RHOU: variants seen among roughly 807,000 people sequenced by gnomAD.
RHOU encodes rho-related GTP-binding protein RhoU.
RHOU carries 8 observed loss-of-function variants against 12.6 expected under a neutral mutation model. The observed-to-expected ratio is 0.64, with a 90% CI of 0.37 to 1.15. The LOEUF (loss-of-function observed/expected upper bound fraction) is 1.15, where lower values mean the gene tolerates loss of function less well. RHOU is among the 50% of genes most tolerant of loss of function. The pLI is 0.01. For missense variants in RHOU, 258 were observed against 347.0 expected (o/e 0.74, Z 2.04); for synonymous variants, 161 against 147.4 (o/e 1.09, Z -0.67).
At chr1:228,653,270 C>T in the RHOU span, among the ~76,000 whole-genome samples, 1 of 152,172 alleles carries the variant, frequency 6.6e-6, no homozygotes, top group Non-Finnish European at 1.5e-5. Flanking sequence ...ATTCTCATGC[C>T]TCAGCCTTAT....
the RHOU span, among the ~76,000 whole-genome samples, chr1:228,670,692 T>C: frequency 6.6e-6 from 1 of 152,216 alleles, no homozygotes; most frequent in African/African-American, 2.4e-5. Flanking sequence ...TCAAATCTCA[T>C]GTCGAGTTGT....
chr1:228,690,346 A>T, the RHOU span, among the ~76,000 whole-genome samples: 1 of 151,536 alleles, frequency 6.6e-6, no homozygotes, highest in South Asian at 2.1e-4. Context: ...TCTCTTTGAG[A>T]TGGAGTTTTG....
chr1:228,707,828 GAGA>G, the RHOU span, among the ~76,000 whole-genome samples: 12 of 152,204 alleles, frequency 7.9e-5, no homozygotes, highest in South Asian at 6.2e-4. Context: ...GACAAGCTGA[GAGA>G]AGAAGGCTTC....
At chr1:228,649,700 A>T in the RHOU span, among the ~76,000 whole-genome samples, 1 of 152,282 alleles carries the variant, frequency 6.6e-6, no homozygotes, top group Middle Eastern at 3.4e-3. Flanking sequence ...TTTTATCTTG[A>T]ATTAACTTGA....
At chr1:228,723,925 C>T in the RHOU span, among the ~76,000 whole-genome samples, 3 of 152,122 alleles carry the variant, frequency 2.0e-5, no homozygotes, top group African/African-American at 4.8e-5. Context: ...CCTTGATGGT[C>T]CATTTGCCTG....
At chr1:228,689,232 C>G in the RHOU span, among the ~76,000 whole-genome samples, 1 of 152,062 alleles carries the variant, frequency 6.6e-6, no homozygotes, top group Non-Finnish European at 1.5e-5. Context: ...ACCCAACCCT[C>G]GAAGAAGCCG....
At chr1:228,695,694 G>T in the RHOU span, among the ~76,000 whole-genome samples, 103 of 152,310 alleles carry the variant, frequency 6.8e-4, no homozygotes, top group African/African-American at 2.3e-3. Flanking sequence ...GACGGAAGGG[G>T]CAGAGCTTTC....
chr1:228,720,178 A>G, the RHOU span, among the ~76,000 whole-genome samples: 3 of 151,948 alleles, frequency 2.0e-5, no homozygotes, highest in African/African-American at 7.3e-5. Flanking sequence ...AAATTAAAAG[A>G]AAAAAAAGGA....
chr1:228,680,614 G>T, the RHOU span, among the ~76,000 whole-genome samples: 1 of 152,124 alleles, frequency 6.6e-6, no homozygotes, highest in Non-Finnish European at 1.5e-5. Context: ...GGGTTTGAAG[G>T]CCGGATTCCA....
At chr1:228,662,383 G>T in the RHOU span, among the ~76,000 whole-genome samples, 4 of 152,130 alleles carry the variant, frequency 2.6e-5, no homozygotes, top group African/African-American at 9.7e-5. Context: ...ATGCACGCGA[G>T]TGTTTATTTG....
chr1:228,686,218 A>C, the RHOU span, among the ~76,000 whole-genome samples: 4 of 152,204 alleles, frequency 2.6e-5, no homozygotes, highest in Non-Finnish European at 5.9e-5. Context: ...TAACTAACTC[A>C]TGAGGTTTCT....
chr1:228,711,180 C>T, the RHOU span, among the ~76,000 whole-genome samples: 10 of 151,820 alleles, frequency 6.6e-5, no homozygotes, highest in African/African-American at 2.4e-4. Context: ...AATGGAAGAA[C>T]ATTCCATGCT....
chr1:228,708,862 T>G, the RHOU span, among the ~76,000 whole-genome samples: 14 of 152,152 alleles, frequency 9.2e-5, no homozygotes, highest in East Asian at 3.9e-4. Context: ...ACACAGACTG[T>G]CAAATTGGAT....
chr1:228,742,149 A>G (rs976009285), intron 2 of RHOU, among the ~76,000 whole-genome samples: 4 of 152,242 alleles, frequency 2.6e-5, no homozygotes, highest in African/African-American at 9.6e-5. Context: ...GGTTGGCACC[A>G]ACAGATATAC....
At chr1:228,700,152 T>G in the RHOU span, among the ~76,000 whole-genome samples, 3 of 152,350 alleles carry the variant, frequency 2.0e-5, no homozygotes, top group Admixed American at 6.5e-5. Flanking sequence ...GCTTAACATT[T>G]GATTTATATC....
chr1:228,647,051 G>A, the RHOU span, among the ~76,000 whole-genome samples: 1 of 152,180 alleles, frequency 6.6e-6, no homozygotes, highest in African/African-American at 2.4e-5. Context: ...GAGGGAGCTA[G>A]AGAGCGAGAA....
chr1:228,706,610 T>C, the RHOU span, among the ~76,000 whole-genome samples: 1 of 152,246 alleles, frequency 6.6e-6, no homozygotes, highest in East Asian at 1.9e-4. Context: ...AGGCCAAACT[T>C]ACAAGGAGGC....
At chr1:228,723,599 TTTGCATA>T in the RHOU span, among the ~76,000 whole-genome samples, 6 of 152,328 alleles carry the variant, frequency 3.9e-5, no homozygotes, top group African/African-American at 1.2e-4. Flanking sequence ...ATGGCCTGCA[TTTGCATA>T]TCAAAGGTTG....
At chr1:228,646,987 G>C in the RHOU span, among the ~76,000 whole-genome samples, 3 of 151,796 alleles carry the variant, frequency 2.0e-5, no homozygotes, top group South Asian at 4.2e-4. Flanking sequence ...AGGTACAGAG[G>C]GAAGGCTAGA....
Sources: allele counts gnomAD v4.1 joint callset (sites outside exome capture counted in the v4.1 genomes callset), GRCh38; gene constraint gnomAD v4.1.1; transcripts MANE v1.5; gene names NCBI Gene and HGNC (gene_info 2026-07-23, HGNC 2026-07-21).